Variants in AGAP1 observed in about 807,000 individuals in gnomAD.
AGAP1 encodes the protein ArfGAP with GTPase domain, ankyrin repeat and PH domain 1.
Under a neutral mutation model 105.3 loss-of-function variants are expected in AGAP1, and 29 were observed. That is an observed-to-expected ratio of 0.28 (90% CI 0.21 to 0.38). The LOEUF is 0.38. Ranked by LOEUF, AGAP1 falls within the 10% of genes least tolerant of loss-of-function variation. AGAP1 has a pLI of 1.00. For synonymous variants in AGAP1, 509 were observed against 485.9 expected, an observed-to-expected ratio of 1.05 and a Z score of -0.63; for missense variants, 998 against 1,165.1, an observed-to-expected ratio of 0.86 and a Z score of 2.09.
At chr2:235,800,841 C>T (rs775633951) in intron 8 of AGAP1, among the ~76,000 whole-genome samples, 53 of 152,272 alleles carry the variant, frequency 3.5e-4, no homozygotes, top group Non-Finnish European at 5.7e-4. Flanking sequence ...AGGGAATTAT[C>T]CAGCCCCACA....
rs1304899413 is a variant in AGAP1 at position 235,872,701 on chromosome 2, G to A, written c.1051-10644G>A. On this transcript the variant is annotated intron_variant, in intron 9 of 17. Coordinates refer to ENST00000304032, the MANE Select transcript of AGAP1 (RefSeq NM_001037131.3). The surrounding 1 kb of genome is among the most constrained non-coding windows in gnomAD (Gnocchi z 4.5). ...TGAACATAGAGGAGGCTGTCTGCGC[G>A]CTCAGCCCAGACCAGTGGGGGCCAC... 1.3e-5 allele frequency among the ~76,000 whole-genome samples: 2 copies of A among 152,180 alleles called. No individual in the cohort carries two copies. Among genetic ancestry groups the A allele is most frequent in the African/African-American group, 2.4e-5 (1 of 41,444 alleles).
intron 9 of AGAP1, among the ~76,000 whole-genome samples, chr2:235,850,373 A>G (rs1363507693): frequency 6.6e-6 from 1 of 152,154 alleles, no homozygotes; most frequent in Non-Finnish European, 1.5e-5. Context: ...GCCTTTCTGT[A>G]GTTCTGAAAG....
rs1192675290 is a variant in AGAP1 at position 235,507,095 on chromosome 2, G to A, written c.163+12246G>A. ...CTGGGTGACTGCTCTGTAGTCGTGA[G>A]TCGTCTCTTTAATGCTGAGCATCAG... On this transcript the variant is annotated intron_variant, in intron 1 of 17. Transcript: ENST00000304032. 1.1e-4 allele frequency: 17 copies of A among 152,868 alleles called. No homozygotes were observed. In the Admixed American group the frequency reaches 1.1e-3, roughly 10 times the overall value. 9.5% of individuals were successfully genotyped at this position (152,868 alleles called of 1,614,324 possible).
At chr2:236,041,846 C>T (rs559438539) in intron 15 of AGAP1, among the ~76,000 whole-genome samples, 44 of 152,266 alleles carry the variant, frequency 2.9e-4, no homozygotes, top group African/African-American at 6.5e-4. Context: ...GGGCATGCGG[C>T]GGTCTTGCCA....
At chr2:235,926,098 T>C (rs775713970) in intron 11 of AGAP1, among the ~76,000 whole-genome samples, 8 of 152,324 alleles carry the variant, frequency 5.3e-5, no homozygotes, top group Non-Finnish European at 5.9e-5. Flanking sequence ...GATGCTTACA[T>C]AACAAAACTG....
intron 13 of AGAP1, among the ~76,000 whole-genome samples, chr2:235,991,499 C>T (rs2055561849): frequency 6.6e-6 from 1 of 152,146 alleles, no homozygotes; most frequent in Admixed American, 6.5e-5. Context: ...CGCTTGAGCC[C>T]AGGAGTTCAA....
chr2:235,833,858 T>G (rs201874237), intron 9 of AGAP1, among the ~76,000 whole-genome samples: 6 of 141,428 alleles, frequency 4.2e-5, no homozygotes, highest in African/African-American at 1.9e-4. Context: ...CAATCTGGTT[T>G]TTTTTTTTTT....
chr2:235,802,935 A>C (rs1575505835), intron 8 of AGAP1, among the ~76,000 whole-genome samples: 1 of 14,862 alleles, frequency 6.7e-5, no homozygotes, highest in East Asian at 2.1e-3. Context: ...TGTGGTTATG[A>C]TGGTTGTAAT....
chr2:235,511,495 C>G (rs1942109932), intron 1 of AGAP1, among the ~76,000 whole-genome samples: 1 of 152,128 alleles, frequency 6.6e-6, no homozygotes, highest in Non-Finnish European at 1.5e-5. Flanking sequence ...CTCACTCCTC[C>G]CATTGCCTGA....
At chr2:235,503,377 G>C (rs1230303972) in intron 1 of AGAP1, among the ~76,000 whole-genome samples, 1 of 152,124 alleles carries the variant, frequency 6.6e-6, no homozygotes, top group Non-Finnish European at 1.5e-5. Context: ...TCGCGTATCT[G>C]CTCCTGTTCT....
At chr2:235,894,369 G>A (rs2050698430) in intron 10 of AGAP1, among the ~76,000 whole-genome samples, 1 of 152,136 alleles carries the variant, frequency 6.6e-6, no homozygotes, top group African/African-American at 2.4e-5. Flanking sequence ...CCTGGGAACA[G>A]CCAGAGTCCA....
In AGAP1 at chr2:235,829,220, G is replaced by A. The variant is rs138422120; in HGVS notation, c.1050+21889G>A. On this transcript the variant is annotated intron_variant, in intron 9 of 17. Coordinates refer to ENST00000304032, the MANE Select transcript of AGAP1 (RefSeq NM_001037131.3). ...TGTGCATCCCCTGGCCCCTGGCCTTGTTGTTAGATGGTGCATTTCGTTTTC... is the reference window on the plus strand; with the variant it reads ...TGTGCATCCCCTGGCCCCTGGCCTTATTGTTAGATGGTGCATTTCGTTTTC... Among the ~76,000 whole-genome samples, 280 of 152,340 alleles carry A rather than the reference G, an allele frequency of 1.8e-3. 2 individuals carry two copies. The highest frequency in any genetic ancestry group is 0.013 in the East Asian group (67 of 5,180).
In AGAP1 at chr2:236,062,851, G is replaced by A. The variant is rs957128986; in HGVS notation, c.2114+13570G>A. The stretch of plus-strand genomic sequence containing the variant: ...TAATGTTTGTATTTTTAGTAGAGAT[G>A]GGGTTTCACCATCTTGGCCAGGCTG... On this transcript the variant is annotated intron_variant, in intron 16 of 17. Coordinates refer to ENST00000304032, the MANE Select transcript of AGAP1 (RefSeq NM_001037131.3). This position sits in a 1 kb window ranked among gnomAD's most constrained non-coding sequence, Gnocchi z 4.2. Among the ~76,000 whole-genome samples the A allele has an allele frequency of 6.6e-6, 1 of 152,050 alleles. No homozygotes were observed. Among genetic ancestry groups the A allele is most frequent in the Non-Finnish European group, 1.5e-5 (1 of 68,026 alleles).
At chr2:235,573,746 A>G (rs1944647906) in intron 1 of AGAP1, among the ~76,000 whole-genome samples, 1 of 152,220 alleles carries the variant, frequency 6.6e-6, no homozygotes, top group Non-Finnish European at 1.5e-5. Flanking sequence ...TGGGCTTGGC[A>G]GGTGTGCCCC....
chr2:235,827,399 G>A (rs939993018), intron 9 of AGAP1, among the ~76,000 whole-genome samples: 24 of 152,188 alleles, frequency 1.6e-4, no homozygotes, highest in African/African-American at 3.6e-4. Context: ...GGGGGCTGCC[G>A]GCGTAGCTCC....
intron 6 of AGAP1, among the ~76,000 whole-genome samples, chr2:235,796,547 C>T (rs1348101572): frequency 6.6e-6 from 1 of 152,114 alleles, no homozygotes; most frequent in African/African-American, 2.4e-5. Flanking sequence ...GCTGCTTCTT[C>T]CTCTCTGTGA....
At chr2:235,807,104 G>A (rs1403468513) in intron 8 of AGAP1, 135 bp from the exon 9 acceptor site, 4 of 761,502 alleles carry the variant, frequency 5.3e-6, no homozygotes, top group African/African-American at 1.8e-5. Flanking sequence ...TCTGCTCGTC[G>A]GACGTGTCTG....
At position 235,663,896 on chromosome 2, in the gene AGAP1, C is replaced by A. The variant is rs1045740753; in HGVS notation, c.164-45283C>A. 6.6e-6 allele frequency among the ~76,000 whole-genome samples: 1 copy of A among 152,130 alleles called. No individual in the cohort carries two copies. Among genetic ancestry groups the A allele is most frequent in the African/African-American group, 2.4e-5 (1 of 41,426 alleles). Reference sequence around the variant, plus strand: ...AAATAGGCCTGTTCCCCTGTGCACCCAATACTAGGAAGATTAGATAATGTG... The same window carrying A: ...AAATAGGCCTGTTCCCCTGTGCACCAAATACTAGGAAGATTAGATAATGTG... On this transcript the variant is annotated intron_variant, in intron 1 of 17. Transcript: ENST00000304032. This position sits in a 1 kb window ranked among gnomAD's most constrained non-coding sequence, Gnocchi z 5.4.
rs560576860 is a variant in AGAP1, at chr2:235,633,548, G to A, written c.164-75631G>A. On this transcript the variant is annotated intron_variant, in intron 1 of 17. Coordinates refer to ENST00000304032, the MANE Select transcript of AGAP1 (RefSeq NM_001037131.3). This position sits in a 1 kb window ranked among gnomAD's most constrained non-coding sequence, Gnocchi z 4.8. ...GAGGAGGTTGCAGTGAGTCAAGATCGCACCATTGCACTCCAGCCTGGGTGA... is the reference window on the plus strand; with the variant it reads ...GAGGAGGTTGCAGTGAGTCAAGATCACACCATTGCACTCCAGCCTGGGTGA... Among the ~76,000 whole-genome samples the A allele has an allele frequency of 1.8e-4, 27 of 152,240 alleles. No individual in the cohort carries two copies. The highest frequency in any genetic ancestry group is 6.5e-4 in the African/African-American group (27 of 41,552).
Sources: gnomAD v4.1 joint callset for allele counts (sites outside exome capture counted in the v4.1 genomes callset) on GRCh38, gnomAD v4.1.1 for gene constraint, Gnocchi (gnomAD v3.1) non-coding constraint, MANE v1.5 for transcripts, NCBI Gene and HGNC (gene_info 2026-07-23, HGNC 2026-07-21) for gene names.